The following ARHGEF6 variants were observed in gnomAD, a reference collection of about 807,000 sequenced individuals.
ARHGEF6 encodes the protein rho guanine nucleotide exchange factor 6.
In ARHGEF6, 9 loss-of-function variants were observed where a neutral mutation model predicts 70.3. The observed-to-expected ratio is 0.13, with a 90% CI of 0.08 to 0.22. The LOEUF is 0.22. Ranked by LOEUF, ARHGEF6 falls within the 10% of genes least tolerant of loss-of-function variation. ARHGEF6 has a pLI of 1.00. For synonymous variants in ARHGEF6, 201 were observed against 207.8 expected (o/e 0.97, Z 0.28); for missense variants, 470 against 563.0 (o/e 0.83, Z 1.67).
intron 2 of ARHGEF6, among the ~76,000 whole-genome samples, chrX:136,757,735 A>G (rs2077222179): frequency 8.9e-6 from 1 of 111,772 alleles, no homozygotes; most frequent in African/African-American, 3.3e-5. Context: ...CTAACCATAC[A>G]CTGCTAAATG....
intron 11 of ARHGEF6, 64 bp from the exon 12 acceptor site, chrX:136,685,887 A>G (rs2076381013): frequency 1.8e-6 from 2 of 1,136,839 alleles, no homozygotes; most frequent in African/African-American, 3.6e-5. Flanking sequence ...AAATAAGACC[A>G]AAGTAAGATG....
chrX:136,693,061 C>T lies in ARHGEF6; in HGVS notation c.1047-2313G>A, dbSNP rs1052180425. 1.8e-4 allele frequency among the ~76,000 whole-genome samples: 20 copies of T among 112,010 alleles called. No individual in the cohort carries two copies. In the East Asian group the frequency reaches 5.5e-3, roughly 31 times the overall value. On this transcript the variant is annotated intron_variant, in intron 9 of 21. Coordinates refer to ENST00000250617, the MANE Select transcript of ARHGEF6 (RefSeq NM_004840.3). ...ATGTAATTTGGAGAAAATCATTTTC[C>T]TAATTTCTTTTCAATTTAGTAAACA...
chrX:136,696,820 G>A (rs747377257), intron 9 of ARHGEF6, among the ~76,000 whole-genome samples: 4 of 109,664 alleles, frequency 3.6e-5, no homozygotes, highest in Non-Finnish European at 5.7e-5. Context: ...GCTCCATTCC[G>A]GGCAACTGTG....
intron 2 of ARHGEF6, among the ~76,000 whole-genome samples, chrX:136,775,599 AG>A (rs1156477284): frequency 5.3e-4 from 59 of 111,855 alleles, no homozygotes; most frequent in African/African-American, 1.8e-3. Context: ...TATATTGAAC[AG>A]GGAAAAGATG....
intron 2 of ARHGEF6, among the ~76,000 whole-genome samples, chrX:136,749,620 A>C (rs1398921537): frequency 1.8e-5 from 2 of 112,170 alleles, no homozygotes; most frequent in East Asian, 2.8e-4. Context: ...TTTGAAAATA[A>C]ATAAACTAAT....
chrX:136,716,929 A>G (rs1472949902), intron 6 of ARHGEF6, among the ~76,000 whole-genome samples: 1 of 112,107 alleles, frequency 8.9e-6, no homozygotes, highest in Non-Finnish European at 1.9e-5. Context: ...AAAAGCAAAG[A>G]GGAAAAAGAC....
At chrX:136,756,583 C>A (rs1184695998) in intron 2 of ARHGEF6, among the ~76,000 whole-genome samples, 1 of 111,826 alleles carries the variant, frequency 8.9e-6, no homozygotes, top group Non-Finnish European at 1.9e-5. Context: ...CACAATGGGA[C>A]ACGGCAAAGC....
At chrX:136,676,863 A>AACTCT in intron 17 of ARHGEF6, 146 bp from the exon 18 acceptor site, 2 of 486,657 alleles carry the variant, frequency 4.1e-6, no homozygotes, top group South Asian at 5.5e-5. Context: ...TGCACAATTA[A>AACTCT]AATGGTTCCA....
intron 9 of ARHGEF6, among the ~76,000 whole-genome samples, chrX:136,692,827 C>CATT (rs955603946): frequency 6.3e-5 from 7 of 111,094 alleles, no homozygotes; most frequent in Non-Finnish European, 1.3e-4. Context: ...TCAGTGGATG[C>CATT]ATTATTATTA....
chrX:136,765,270 G>A (rs1050513991), intron 2 of ARHGEF6, among the ~76,000 whole-genome samples: 30 of 112,079 alleles, frequency 2.7e-4, no homozygotes, highest in South Asian at 7.4e-4. Flanking sequence ...TTGCATCTAC[G>A]GTCCTAAGCA....
chrX:136,675,783 G>C (rs988899920), intron 18 of ARHGEF6, among the ~76,000 whole-genome samples: 1 of 110,962 alleles, frequency 9.0e-6, no homozygotes, highest in Admixed American at 9.5e-5. Flanking sequence ...GCCTCCCAAA[G>C]TGCTGGGATT....
chrX:136,740,811 C>A (rs1213127953), intron 5 of ARHGEF6, among the ~76,000 whole-genome samples: 1 of 111,623 alleles, frequency 9.0e-6, no homozygotes, highest in Non-Finnish European at 1.9e-5. Flanking sequence ...TTTAGTTTTG[C>A]AGATAAAGAC....
intron 6 of ARHGEF6, among the ~76,000 whole-genome samples, chrX:136,727,792 C>T (rs951983285): frequency 6.3e-5 from 7 of 111,439 alleles, no homozygotes; most frequent in Middle Eastern, 4.7e-3. Context: ...CCTTGGCCTC[C>T]GAAGGTGCTG....
intron 6 of ARHGEF6, among the ~76,000 whole-genome samples, chrX:136,717,780 T>C (rs1191071551): frequency 9.0e-6 from 1 of 111,613 alleles, no homozygotes; most frequent in Non-Finnish European, 1.9e-5. Flanking sequence ...ATAGTATGTA[T>C]CTTTGTATAG....
At chrX:136,737,228 C>A (rs897734688) in intron 5 of ARHGEF6, among the ~76,000 whole-genome samples, 1 of 111,797 alleles carries the variant, frequency 8.9e-6, no homozygotes, top group Non-Finnish European at 1.9e-5. Flanking sequence ...GCCTGTAATC[C>A]CAGCACTTTT....
intron 17 of ARHGEF6, 93 bp downstream of exon 17, chrX:136,677,843 A>G: frequency 1.3e-6 from 1 of 768,554 alleles, no homozygotes; most frequent in Non-Finnish European, 1.9e-6. Flanking sequence ...ATAACAAGGG[A>G]CAAAACAAGC....
At chrX:136,727,361 CTT>C (rs1445778378) in intron 6 of ARHGEF6, among the ~76,000 whole-genome samples, 1 of 63,994 alleles carries the variant, frequency 1.6e-5, no homozygotes, top group Non-Finnish European at 2.8e-5. Context: ...TTCTTTCTTT[CTT>C]TCTTTCTTTC....
chrX:136,669,921 T>C (rs1478897344), intron 20 of ARHGEF6, among the ~76,000 whole-genome samples: 2 of 112,131 alleles, frequency 1.8e-5, no homozygotes, highest in Non-Finnish European at 3.8e-5. Context: ...CATTGTGAAG[T>C]GGTTACCATA....
At chrX:136,751,319 T>C (rs1172664305) in intron 2 of ARHGEF6, among the ~76,000 whole-genome samples, 1 of 111,883 alleles carries the variant, frequency 8.9e-6, no homozygotes, top group African/African-American at 3.3e-5. Context: ...TTTGGAGTAG[T>C]TCTCAGTTTC....
Sources: gnomAD v4.1 joint callset for allele counts (sites outside exome capture counted in the v4.1 genomes callset) on GRCh38, gnomAD v4.1.1 for gene constraint, MANE v1.5 for transcripts, NCBI Gene and HGNC (gene_info 2026-07-23, HGNC 2026-07-21) for gene names.